LRP1B: variants seen among roughly 807,000 people sequenced by gnomAD.
LRP1B encodes the protein low-density lipoprotein receptor-related protein 1B.
LRP1B carries 217 observed loss-of-function variants against 556.6 expected under a neutral mutation model. The observed-to-expected ratio is 0.39, with a 90% CI of 0.35 to 0.44. The LOEUF is 0.44. Among genes scored for constraint, LRP1B ranks in the 20% least tolerant of loss-of-function variants. The pLI, the probability that LRP1B is intolerant of heterozygous loss-of-function variation, is 1.00. For missense variants in LRP1B, 5,053 were observed against 5,620.8 expected (o/e 0.90, Z 3.23); for synonymous variants, 2,047 against 1,865.8 (o/e 1.10, Z -2.50).
In LRP1B at chr2:141,896,836, A is replaced by T. The variant is rs114738686; in HGVS notation, c.83-86435T>A. Among the ~76,000 whole-genome samples the T allele has an allele frequency of 6.2e-3, 937 of 152,314 alleles. 17 individuals are homozygous for T. Among genetic ancestry groups the T allele is most frequent in the African/African-American group, 0.022 (900 of 41,568 alleles). On this transcript the variant is annotated intron_variant, in intron 1 of 90. Transcript: ENST00000389484. Reference sequence around the variant, plus strand: ...AAATGCATTCCAAATCTAAAAATAGATGATCGAAATTGATTTGCCCCACAT... The same window carrying T: ...AAATGCATTCCAAATCTAAAAATAGTTGATCGAAATTGATTTGCCCCACAT...
At chr2:140,611,334 A>AT (rs1683064856) in intron 41 of LRP1B, among the ~76,000 whole-genome samples, 1 of 152,196 alleles carries the variant, frequency 6.6e-6, no homozygotes, top group South Asian at 2.1e-4. Flanking sequence ...CAATGTGAAT[A>AT]TTTTCTGATC....
At chr2:141,475,975 G>A (rs1288916521) in intron 3 of LRP1B, among the ~76,000 whole-genome samples, 1 of 152,176 alleles carries the variant, frequency 6.6e-6, no homozygotes, top group Non-Finnish European at 1.5e-5. Flanking sequence ...AGGGCACCCA[G>A]CTGGTTAACA....
intron 45 of LRP1B, among the ~76,000 whole-genome samples, chr2:140,537,531 G>A (rs564731100): frequency 6.6e-6 from 1 of 152,114 alleles, no homozygotes; most frequent in South Asian, 2.1e-4. Flanking sequence ...ATCCATGTGT[G>A]GGAGGTTCCC....
At chr2:140,667,910 T>G (rs1006205743) in intron 41 of LRP1B, among the ~76,000 whole-genome samples, 4 of 152,150 alleles carry the variant, frequency 2.6e-5, no homozygotes, top group African/African-American at 9.7e-5. Flanking sequence ...GGGGTCTCCT[T>G]TATGAGGAAG....
intron 29 of LRP1B, among the ~76,000 whole-genome samples, chr2:140,846,698 C>A (rs2105109882): frequency 6.6e-6 from 1 of 152,150 alleles, no homozygotes; most frequent in African/African-American, 2.4e-5. Flanking sequence ...AAAATAAAGT[C>A]TCTCAAGAAG....
At chr2:141,767,110 C>T (rs1025831034) in intron 2 of LRP1B, among the ~76,000 whole-genome samples, 2 of 151,920 alleles carry the variant, frequency 1.3e-5, no homozygotes, top group Admixed American at 6.6e-5. Context: ...GGCAAAAAGC[C>T]GTGATAGAAC....
intron 60 of LRP1B, among the ~76,000 whole-genome samples, chr2:140,460,961 T>C (rs1444004303): frequency 6.7e-6 from 1 of 148,444 alleles, no homozygotes; most frequent in Non-Finnish European, 1.5e-5. Flanking sequence ...TTATGACAAA[T>C]AGAAAAAGTG....
At chr2:141,581,233 A>G (rs1686948797) in intron 2 of LRP1B, among the ~76,000 whole-genome samples, 2 of 152,296 alleles carry the variant, frequency 1.3e-5, no homozygotes, top group South Asian at 4.1e-4. Context: ...AATGGAAAAG[A>G]TTTCTGCTTA....
chr2:140,806,220 TG>T (rs574552531), intron 32 of LRP1B, among the ~76,000 whole-genome samples: 22 of 152,286 alleles, frequency 1.4e-4, no homozygotes, highest in African/African-American at 5.1e-4. Flanking sequence ...AAATTTCTGA[TG>T]TTTTTAAAGC....
At chr2:140,601,748 AT>A (rs2105200311) in intron 41 of LRP1B, 109 bp from the exon 42 acceptor site, 2 of 594,578 alleles carry the variant, frequency 3.4e-6, no homozygotes, top group East Asian at 6.1e-5. Context: ...TTCATCAACC[AT>A]TTCTCCACAA....
intron 6 of LRP1B, among the ~76,000 whole-genome samples, chr2:141,206,453 C>T (rs909852667): frequency 3.3e-5 from 5 of 151,840 alleles, no homozygotes; most frequent in African/African-American, 1.2e-4. Flanking sequence ...GGCGTGGTGG[C>T]GGGCGCCTGT....
At chr2:141,986,112 G>A (rs1429995279) in intron 1 of LRP1B, among the ~76,000 whole-genome samples, 1 of 151,836 alleles carries the variant, frequency 6.6e-6, no homozygotes, top group Non-Finnish European at 1.5e-5. Context: ...CTAAACATCT[G>A]AGGCCCTAAA....
At chr2:140,814,516 C>A (rs1691038083) in intron 31 of LRP1B, among the ~76,000 whole-genome samples, 1 of 152,192 alleles carries the variant, frequency 6.6e-6, no homozygotes, top group Non-Finnish European at 1.5e-5. Flanking sequence ...CATTATGCCA[C>A]TTTGCCTCAG....
chr2:140,355,631 G>T (rs1682174279), intron 75 of LRP1B, among the ~76,000 whole-genome samples: 1 of 151,862 alleles, frequency 6.6e-6, no homozygotes, highest in African/African-American at 2.4e-5. Context: ...CTTGAATTTA[G>T]CCTGGATAAG....
chr2:141,314,912 A>T (rs1304695838), intron 3 of LRP1B, among the ~76,000 whole-genome samples: 1 of 146,458 alleles, frequency 6.8e-6, no homozygotes, highest in Non-Finnish European at 1.5e-5. Context: ...ATATATATAC[A>T]CATATATATA....
rs1701169086 is a variant in LRP1B, at chr2:141,125,155, G to A, written c.1014-62882C>T. 2.0e-5 allele frequency among the ~76,000 whole-genome samples: 3 copies of A among 152,132 alleles called. No homozygotes were observed. In the East Asian group the frequency reaches 5.8e-4, roughly 29 times the overall value. ...CCATATATAACATTTGGATACCCAA[G>A]ACAAGTATCTTCTTTGGAAAAAATA... On this transcript the variant is annotated intron_variant, in intron 7 of 90. Transcript: ENST00000389484.
intron 1 of LRP1B, among the ~76,000 whole-genome samples, chr2:142,109,761 G>C (rs1010500309): frequency 6.6e-6 from 1 of 152,034 alleles, no homozygotes; most frequent in Admixed American, 6.6e-5. Flanking sequence ...AACCAAAAGT[G>C]TAACATGTTT....
intron 31 of LRP1B, among the ~76,000 whole-genome samples, chr2:140,837,906 C>A (rs1050697755): frequency 6.6e-6 from 1 of 152,036 alleles, no homozygotes; most frequent in Non-Finnish European, 1.5e-5. Flanking sequence ...AACTAACCTG[C>A]ACGTTGTGCA....
intron 85 of LRP1B, 32 bp downstream of exon 85, chr2:140,274,392 G>A: frequency 6.3e-7 from 1 of 1,592,258 alleles, no homozygotes; most frequent in South Asian, 1.1e-5. Context: ...GTGTCCAAAT[G>A]CTTTTATAAA....
Sources: gnomAD v4.1 joint callset for allele counts (sites outside exome capture counted in the v4.1 genomes callset) on GRCh38, gnomAD v4.1.1 for gene constraint, MANE v1.5 for transcripts, NCBI Gene and HGNC (gene_info 2026-07-23, HGNC 2026-07-21) for gene names.